Variants in MYO16 observed in about 807,000 individuals in gnomAD.
MYO16 encodes the protein unconventional myosin-XVI.
In MYO16, 94 loss-of-function variants were observed where a neutral mutation model predicts 205.3. The ratio of observed to expected loss-of-function variants is 0.46; its 90% CI spans 0.39 to 0.54. MYO16 has a LOEUF of 0.54. Among genes scored for constraint, MYO16 ranks in the 20% least tolerant of loss-of-function variants. The pLI is 0.00. For synonymous variants in MYO16, 988 were observed against 954.0 expected (o/e 1.04, Z -0.66); for missense variants, 2,315 against 2,387.5 (o/e 0.97, Z 0.63).
intron 23 of MYO16, among the ~76,000 whole-genome samples, chr13:109,046,063 C>T (rs2139591234): frequency 6.6e-6 from 1 of 152,118 alleles, no homozygotes; most frequent in Admixed American, 6.5e-5. Context: ...CCTCGCCCTC[C>T]CTCATGGCTG....
At chr13:108,816,486 C>A (rs968049190) in intron 7 of MYO16, among the ~76,000 whole-genome samples, 1 of 151,962 alleles carries the variant, frequency 6.6e-6, no homozygotes, top group Non-Finnish European at 1.5e-5. Context: ...CAGCATTAAC[C>A]ATATCTCTCC....
intron 2 of MYO16, among the ~76,000 whole-genome samples, chr13:108,680,979 C>T (rs1260341588): frequency 6.6e-6 from 1 of 152,228 alleles, no homozygotes; most frequent in African/African-American, 2.4e-5. Context: ...AAATGTCCTT[C>T]TCATGGTCTT....
At chr13:108,725,757 G>C (rs964005210) in intron 3 of MYO16, among the ~76,000 whole-genome samples, 1 of 152,064 alleles carries the variant, frequency 6.6e-6, no homozygotes, top group Non-Finnish European at 1.5e-5. Flanking sequence ...GTTTTTCTCT[G>C]TGCAGCTTTG....
At chr13:108,746,721 A>C (rs1256541271) in intron 4 of MYO16, among the ~76,000 whole-genome samples, 1 of 152,190 alleles carries the variant, frequency 6.6e-6, no homozygotes, top group Admixed American at 6.5e-5. Context: ...TATTTGGTTT[A>C]ACAATGGCCA....
At chr13:108,658,459 T>TG in intron 1 of MYO16, among the ~76,000 whole-genome samples, 1 of 150,636 alleles carries the variant, frequency 6.6e-6, no homozygotes, top group African/African-American at 2.4e-5. Context: ...TGTGTGTGTG[T>TG]TTTCTAAATT....
chr13:108,644,798 C>G (rs1012916187), intron 1 of MYO16, among the ~76,000 whole-genome samples: 3 of 152,132 alleles, frequency 2.0e-5, no homozygotes, highest in African/African-American at 7.2e-5. Flanking sequence ...AACCCTCACA[C>G]CCATGAACAG....
At chr13:109,205,945 A>G (rs1183399818) in intron 34 of MYO16, among the ~76,000 whole-genome samples, 2 of 152,236 alleles carry the variant, frequency 1.3e-5, no homozygotes, top group African/African-American at 4.8e-5. Context: ...GATACACCAA[A>G]GAGGCTTCAA....
In MYO16 at chr13:109,140,285, A is replaced by G. The variant is rs767651423; in HGVS notation, c.4073A>G (p.His1358Arg). The change falls in exon 32 of 35, where the codon CAC becomes CGC. Residue 1358 changes from histidine (H) to arginine (R), a missense_variant. His to Arg is a conservative substitution (Grantham distance 29). This residue lies in a region of MYO16 where 1,097 missense variants were observed against 1,092.0 expected (regional missense o/e 1.00). Coordinates refer to ENST00000457511, the MANE Select transcript of MYO16 (RefSeq NM_001198950.3). This position sits in a 1 kb window ranked among gnomAD's most constrained non-coding sequence, Gnocchi z 8.0. ...ANEALARPRP[H>R]SDDYSTMKKI... is the part of the protein sequence containing the mutation. ...GCAGCTCTGGCCCGGCCCAGACCGC[A>G]CAGCGACGACTACAGCACCATGAAG... The G allele has an allele frequency of 5.6e-6, 9 of 1,600,538 alleles. No individual in the cohort carries two copies. In the South Asian group the frequency reaches 9.9e-5, roughly 18 times the overall value.
At chr13:108,648,902 TTCTC>T (rs143168978) in intron 1 of MYO16, among the ~76,000 whole-genome samples, 2 of 149,086 alleles carry the variant, frequency 1.3e-5, no homozygotes, top group African/African-American at 4.9e-5. Flanking sequence ...TCCATTCTAA[TTCTC>T]TCTCTCTCTC....
intron 16 of MYO16, among the ~76,000 whole-genome samples, chr13:108,951,362 A>G (rs150669463): frequency 6.6e-6 from 1 of 152,296 alleles, no homozygotes; most frequent in East Asian, 1.9e-4. Flanking sequence ...TGGAAAGTGA[A>G]TTATGCATCA....
the MYO16 span, among the ~76,000 whole-genome samples, chr13:108,548,872 C>A: frequency 1.3e-5 from 2 of 152,072 alleles, no homozygotes; most frequent in Non-Finnish European, 2.9e-5. Flanking sequence ...TCAATGAATG[C>A]CAACACAGAC....
At chr13:108,736,493 T>C (rs1884704883) in intron 4 of MYO16, among the ~76,000 whole-genome samples, 3 of 152,178 alleles carry the variant, frequency 2.0e-5, no homozygotes, top group South Asian at 4.1e-4. Flanking sequence ...GTTCGTTCCA[T>C]TGGTCTATAT....
chr13:108,932,760 A>G (rs1055384692), intron 16 of MYO16, among the ~76,000 whole-genome samples: 2 of 152,150 alleles, frequency 1.3e-5, no homozygotes, highest in East Asian at 1.9e-4. Context: ...TCAGGCTTAC[A>G]TAGTTTCTAG....
intron 22 of MYO16, among the ~76,000 whole-genome samples, chr13:109,012,921 C>T (rs962063315): frequency 6.6e-6 from 1 of 151,428 alleles, no homozygotes; most frequent in Admixed American, 6.6e-5. Context: ...AGTCACTTCT[C>T]CTTCCTGTTG....
chr13:108,675,370 A>C (rs1015708745), intron 2 of MYO16, among the ~76,000 whole-genome samples: 5 of 152,216 alleles, frequency 3.3e-5, no homozygotes, highest in East Asian at 1.9e-4. Context: ...GTAATTAAAG[A>C]TGCCCATTTC....
At chr13:108,845,799 C>T (rs1185530445) in intron 10 of MYO16, among the ~76,000 whole-genome samples, 2 of 152,138 alleles carry the variant, frequency 1.3e-5, no homozygotes, top group Non-Finnish European at 2.9e-5. Flanking sequence ...TCATTGCAGC[C>T]TCAACCTCAC....
At chr13:109,202,428 T>A (rs1394870000) in intron 34 of MYO16, among the ~76,000 whole-genome samples, 1 of 152,218 alleles carries the variant, frequency 6.6e-6, no homozygotes, top group Admixed American at 6.5e-5. Flanking sequence ...CACATTCTGG[T>A]TTTGATTAGC....
chr13:108,770,453 C>T (rs1885924513), intron 4 of MYO16, among the ~76,000 whole-genome samples: 1 of 152,094 alleles, frequency 6.6e-6, no homozygotes, highest in Non-Finnish European at 1.5e-5. Flanking sequence ...ACACAATTTC[C>T]TCATCGGGAT....
intron 16 of MYO16, among the ~76,000 whole-genome samples, chr13:108,913,312 C>T (rs1203029431): frequency 6.6e-6 from 1 of 152,110 alleles, no homozygotes; most frequent in Non-Finnish European, 1.5e-5. Flanking sequence ...AAAACTTTAA[C>T]GGTAAAGCAA....
Sources: gnomAD v4.1 joint callset for allele counts (sites outside exome capture counted in the v4.1 genomes callset) on GRCh38, gnomAD v4.1.1 for gene constraint, gnomAD v4.1.1 regional missense constraint, Gnocchi (gnomAD v3.1) non-coding constraint, MANE v1.5 for transcripts, NCBI Gene and HGNC (gene_info 2026-07-23, HGNC 2026-07-21) for gene names.